Variants in LEF1 observed in about 807,000 individuals in gnomAD.
The protein encoded by LEF1 is lymphoid enhancer-binding factor 1.
Under a neutral mutation model 51.2 loss-of-function variants are expected in LEF1, and 14 were observed. The observed-to-expected ratio is 0.27, with a 90% CI of 0.18 to 0.43. The LOEUF (loss-of-function observed/expected upper bound fraction) is 0.43, where lower values mean the gene tolerates loss of function less well. LEF1 is among the 20% of genes least tolerant of loss of function. LEF1 has a pLI of 1.00. For synonymous variants in LEF1, 185 were observed against 183.2 expected (o/e 1.01, Z -0.08); for missense variants, 386 against 512.0 (o/e 0.75, Z 2.37).
At chr4:108,049,704 C>T (rs1039641462) in intron 11 of LEF1, among the ~76,000 whole-genome samples, 2 of 152,216 alleles carry the variant, frequency 1.3e-5, no homozygotes, top group African/African-American at 4.8e-5. Flanking sequence ...ATCCGTGTTA[C>T]AAGCACAAGT....
intron 11 of LEF1, among the ~76,000 whole-genome samples, chr4:108,049,540 T>C (rs1206360463): frequency 2.0e-5 from 3 of 152,180 alleles, no homozygotes; most frequent in Non-Finnish European, 4.4e-5. Flanking sequence ...ATGGCAAAGT[T>C]CCGTTCCTTC....
intron 6 of LEF1, 124 bp from the exon 7 acceptor site, chr4:108,079,738 A>G (rs1028730076): frequency 1.1e-6 from 1 of 870,674 alleles, no homozygotes; most frequent in Non-Finnish European, 1.8e-6. Flanking sequence ...TACGCACAGA[A>G]GCATTAACTA....
At chr4:108,091,646 A>G (rs536419102) in intron 3 of LEF1, among the ~76,000 whole-genome samples, 34 of 152,246 alleles carry the variant, frequency 2.2e-4, no homozygotes, top group Admixed American at 4.6e-4. Context: ...CCTCAGCACA[A>G]ACATCTATGC....
rs545206043 is a variant in LEF1, at chr4:108,160,906, C to T, written c.414+2662G>A. 2.0e-5 allele frequency among the ~76,000 whole-genome samples: 3 copies of T among 152,204 alleles called. No homozygotes were observed. The South Asian group carries it at 6.2e-4, about 32-fold the overall frequency. On this transcript the variant is annotated intron_variant, in intron 3 of 11. Coordinates refer to ENST00000265165, the MANE Select transcript of LEF1 (RefSeq NM_016269.5). ...AGGAGTGGTCAGGTCCCTCCCCCAC[C>T]CCAGGTGTTTTTCCAGTCCTAACAC...
At chr4:108,072,564 A>G (rs964339420) in intron 8 of LEF1, among the ~76,000 whole-genome samples, 8 of 152,230 alleles carry the variant, frequency 5.3e-5, no homozygotes, top group Admixed American at 4.6e-4. Context: ...GTTAAAAAGC[A>G]TGACACACAG....
intron 8 of LEF1, among the ~76,000 whole-genome samples, chr4:108,076,824 C>G (rs1161865825): frequency 1.3e-5 from 2 of 151,712 alleles, no homozygotes; most frequent in Non-Finnish European, 2.9e-5. Flanking sequence ...AGTTCAAGAT[C>G]AACCTGGCCA....
intron 3 of LEF1, among the ~76,000 whole-genome samples, chr4:108,113,801 T>C (rs74473524): frequency 0.026 from 3,984 of 152,278 alleles, 158 homozygotes; most frequent in African/African-American, 0.091. Context: ...TGGCTATTTC[T>C]ACTACTCAGC....
intron 2 of LEF1, among the ~76,000 whole-genome samples, chr4:108,164,886 G>A (rs1265886191): frequency 6.6e-6 from 1 of 151,984 alleles, no homozygotes; most frequent in Non-Finnish European, 1.5e-5. Context: ...GAAATCCAAG[G>A]GTCCCTAACT....
chr4:108,075,256 G>A (rs1306114810), intron 8 of LEF1: 1 of 152,192 alleles, frequency 6.6e-6, no homozygotes, highest in Non-Finnish European at 1.5e-5. Flanking sequence ...TGCATTTTGA[G>A]GCTATCCAAT....
intron 3 of LEF1, among the ~76,000 whole-genome samples, chr4:108,096,209 CCACCAGATTCT>C (rs1301900323): frequency 6.6e-6 from 1 of 152,018 alleles, no homozygotes; most frequent in African/African-American, 2.4e-5. Flanking sequence ...AAAGAAAGGA[CCACCAGATTCT>C]CACCAGATTC....
At chr4:108,050,558 T>A (rs1736912992) in intron 11 of LEF1, among the ~76,000 whole-genome samples, 1 of 152,074 alleles carries the variant, frequency 6.6e-6, no homozygotes, top group East Asian at 1.9e-4. Context: ...GAGCCTGGGG[T>A]GGGAGAGAGG....
At chr4:108,097,112 A>C (rs751789623) in intron 3 of LEF1, among the ~76,000 whole-genome samples, 1 of 152,210 alleles carries the variant, frequency 6.6e-6, no homozygotes, top group Non-Finnish European at 1.5e-5. Flanking sequence ...AAAGGAAATC[A>C]GTATATTAAA....
intron 11 of LEF1, among the ~76,000 whole-genome samples, chr4:108,050,673 A>C (rs1329776457): frequency 6.6e-6 from 1 of 152,216 alleles, no homozygotes; most frequent in Non-Finnish European, 1.5e-5. Context: ...GTCTGACATG[A>C]AAACATTTAG....
chr4:108,157,415 A>G (rs1162457373), intron 3 of LEF1, among the ~76,000 whole-genome samples: 2 of 152,132 alleles, frequency 1.3e-5, no homozygotes, highest in Non-Finnish European at 2.9e-5. Context: ...GCTGGTCTCA[A>G]ACTCCTGACC....
At chr4:108,104,715 C>T (rs1741047173) in intron 3 of LEF1, 2 of 983,060 alleles carry the variant, frequency 2.0e-6, no homozygotes, top group African/African-American at 3.5e-5. Flanking sequence ...GCCCTCAATT[C>T]CTGGGCCTAT....
rs1745353136 is a variant in LEF1, at chr4:108,165,839, C to G, written c.214-676G>C. Reference sequence around the variant, plus strand: ...TTTTGGTAATCACCATCCACCCAGACAGCCTCAAACACGTGCAAATCAGTG... The same window carrying G: ...TTTTGGTAATCACCATCCACCCAGAGAGCCTCAAACACGTGCAAATCAGTG... On this transcript the variant is annotated intron_variant, in intron 1 of 11. Transcript: ENST00000265165. Among the ~76,000 whole-genome samples the G allele has an allele frequency of 1.3e-5, 2 of 152,226 alleles. 1 individual carries two copies.
chr4:108,054,780 T>C (rs1578283770), intron 11 of LEF1, among the ~76,000 whole-genome samples: 1 of 152,192 alleles, frequency 6.6e-6, no homozygotes, highest in East Asian at 1.9e-4. Context: ...AAAAAAAAGT[T>C]AGATTCACAA....
intron 3 of LEF1, among the ~76,000 whole-genome samples, chr4:108,095,502 C>T (rs1178296725): frequency 6.6e-6 from 1 of 152,162 alleles, no homozygotes; most frequent in Non-Finnish European, 1.5e-5. Flanking sequence ...CTCAGCTCCT[C>T]TCTCCATCTC....
chr4:108,118,922 A>G (rs1445663261), intron 3 of LEF1, among the ~76,000 whole-genome samples: 1 of 151,730 alleles, frequency 6.6e-6, no homozygotes, highest in Non-Finnish European at 1.5e-5. Context: ...TTAAAGCACC[A>G]ACTTTCTAAC....
Sources: allele counts gnomAD v4.1 joint callset (sites outside exome capture counted in the v4.1 genomes callset), GRCh38; gene constraint gnomAD v4.1.1; transcripts MANE v1.5; gene names NCBI Gene and HGNC (gene_info 2026-07-23, HGNC 2026-07-21).